BRF1: variants seen among roughly 807,000 people sequenced by gnomAD.
The protein encoded by BRF1 is BRF1 general transcription factor IIIB subunit.
In BRF1, 59 loss-of-function variants were observed where a neutral mutation model predicts 81.7. That is an observed-to-expected ratio of 0.72 (90% CI 0.59 to 0.90). The LOEUF (loss-of-function observed/expected upper bound fraction) is 0.90. BRF1 is among the 40% of genes least tolerant of loss of function. BRF1 has a pLI of 0.00. For missense variants in BRF1, 1,050 were observed against 936.3 expected, an observed-to-expected ratio of 1.12 and a Z score of -1.58; for synonymous variants, 491 against 395.6, an observed-to-expected ratio of 1.24 and a Z score of -2.86.
At chr14:105,280,716 G>A (rs1014154582) in intron 2 of BRF1, among the ~76,000 whole-genome samples, 5 of 152,078 alleles carry the variant, frequency 3.3e-5, no homozygotes, top group Admixed American at 3.3e-4. Context: ...CTGAGTCCGG[G>A]TGTGCGGATA....
In BRF1 at chr14:105,287,643, G is replaced by C. The variant is rs587718196; in HGVS notation, c.185-1267C>G. 1.3e-3 allele frequency among the ~76,000 whole-genome samples: 200 copies of C among 152,308 alleles called. 1 individual carries two copies. The highest frequency in any genetic ancestry group is 4.7e-3 in the African/African-American group (194 of 41,572). ...GCCAGGCCCTCCAGGGAAACCATGA[G>C]GCAGGGACCTCAGCGTCATCCAGGG... On this transcript the variant is annotated intron_variant, in intron 1 of 17. Coordinates refer to ENST00000547530, the MANE Select transcript of BRF1 (RefSeq NM_001519.4).
At chr14:105,268,416 C>T (rs1566851662) in intron 3 of BRF1, among the ~76,000 whole-genome samples, 1 of 152,254 alleles carries the variant, frequency 6.6e-6, no homozygotes, top group Non-Finnish European at 1.5e-5. Flanking sequence ...TGGGACTCAG[C>T]AGCACCCCGT....
chr14:105,224,342 C>G (rs1421044512), intron 10 of BRF1, among the ~76,000 whole-genome samples: 1 of 152,198 alleles, frequency 6.6e-6, no homozygotes, highest in Non-Finnish European at 1.5e-5. Context: ...GCACTCCAGC[C>G]TGGGTGACAG....
intron 5 of BRF1, chr14:105,249,088 G>C (rs1303094987): frequency 2.0e-6 from 3 of 1,465,096 alleles, no homozygotes; most frequent in Non-Finnish European, 2.7e-6. Context: ...CGCGAGAGGT[G>C]AGCCCGTGCC....
intron 2 of BRF1, among the ~76,000 whole-genome samples, chr14:105,282,931 T>G (rs1486054298): frequency 6.6e-6 from 1 of 151,238 alleles, no homozygotes; most frequent in Non-Finnish European, 1.5e-5. Context: ...AGACTCCATC[T>G]CAAAAAACAA....
chr14:105,298,384 TG>T (rs2057826764), intron 1 of BRF1, among the ~76,000 whole-genome samples: 1 of 152,166 alleles, frequency 6.6e-6, no homozygotes, highest in Non-Finnish European at 1.5e-5. Context: ...AAACGGCACC[TG>T]ATCAACAGGG....
At chr14:105,222,786 A>G (rs997742305) in intron 10 of BRF1, among the ~76,000 whole-genome samples, 6 of 151,670 alleles carry the variant, frequency 4.0e-5, no homozygotes, top group Non-Finnish European at 7.4e-5. Context: ...CCGCCACCAC[A>G]CCCGGCTAAT....
intron 1 of BRF1, among the ~76,000 whole-genome samples, chr14:105,307,425 A>G (rs2058222278): frequency 1.3e-5 from 2 of 152,168 alleles, no homozygotes; most frequent in South Asian, 2.1e-4. Flanking sequence ...AATGGCAATA[A>G]AGGCTCTTGC....
At chr14:105,214,476 G>A (rs867854165) in intron 15 of BRF1, among the ~76,000 whole-genome samples, 6 of 146,254 alleles carry the variant, frequency 4.1e-5, no homozygotes, top group Middle Eastern at 3.5e-3. Flanking sequence ...ACACCCCTGC[G>A]TGGCTCAGCT....
chr14:105,216,213 T>A (rs587659238), intron 15 of BRF1, among the ~76,000 whole-genome samples: 5 of 152,222 alleles, frequency 3.3e-5, no homozygotes, highest in African/African-American at 1.2e-4. Flanking sequence ...GGCCAGCTGG[T>A]CAGATGTGAC....
intron 1 of BRF1, among the ~76,000 whole-genome samples, chr14:105,308,022 A>G (rs1019925599): frequency 6.6e-6 from 1 of 151,708 alleles, no homozygotes; most frequent in African/African-American, 2.4e-5. Flanking sequence ...TGTCTCTACA[A>G]AAAATTTAAA....
rs771349522 is a variant in BRF1, at chr14:105,241,392, G to A, written c.567C>T (p.Arg189=). 1.9e-6 allele frequency: 3 copies of A among 1,612,478 alleles called. No homozygotes were observed. Among genetic ancestry groups the A allele is most frequent in the African/African-American group, 2.7e-5 (2 of 74,952 alleles). Residue 189 remains arginine, a synonymous_variant, in exon 6 of 18, where the codon CGC becomes CGT. Coordinates refer to ENST00000547530, the MANE Select transcript of BRF1 (RefSeq NM_001519.4). ...CCCCGAATTCCAGCAGGTGCGCAAAGCGTGGAATATACAGGCACGGGTCTG... is the reference window on the plus strand; with the variant it reads ...CCCCGAATTCCAGCAGGTGCGCAAAACGTGGAATATACAGGCACGGGTCTG... ...PAIDPCLYIP[R]FAHLLEFGEK...
rs912157801 is a variant in BRF1 at position 105,284,146 on chromosome 14, G to T, written c.265+2150C>A. On this transcript the variant is annotated intron_variant, in intron 2 of 17. Coordinates refer to ENST00000547530, the MANE Select transcript of BRF1 (RefSeq NM_001519.4). The surrounding 1 kb of genome is among the most constrained non-coding windows in gnomAD (Gnocchi z 4.0). ...CTTCCTGCAGGAAACGCATTCAAGC[G>T]CCCAACACACATGCACGTCCACAAA... Among the ~76,000 whole-genome samples the T allele has an allele frequency of 6.6e-6, 1 of 152,052 alleles. No individual in the cohort carries two copies. Among genetic ancestry groups the T allele is most frequent in the Non-Finnish European group, 1.5e-5 (1 of 68,012 alleles).
intron 5 of BRF1, chr14:105,248,431 GGCTCGCGCCGGTT>G (rs2055277378): frequency 1.0e-6 from 1 of 985,318 alleles, no homozygotes; most frequent in East Asian, 1.1e-4. Context: ...CACAGCGCGC[GGCTCGCGCCGGTT>G]GCTGGGCAGA....
At chr14:105,229,484 G>A (rs895121140) in intron 6 of BRF1, among the ~76,000 whole-genome samples, 1 of 152,202 alleles carries the variant, frequency 6.6e-6, no homozygotes, top group Non-Finnish European at 1.5e-5. Flanking sequence ...TGAGGAGTGA[G>A]GGCCCTGCCG....
At chr14:105,247,967 C>A in intron 5 of BRF1, 1 of 985,484 alleles carries the variant, frequency 1.0e-6, no homozygotes, top group Non-Finnish European at 1.2e-6. Context: ...ACAGGCAGAG[C>A]CACAGAGGCA....
intron 3 of BRF1, among the ~76,000 whole-genome samples, chr14:105,260,374 A>AT (rs1160851929): frequency 0.036 from 5,326 of 147,016 alleles, 168 homozygotes; most frequent in African/African-American, 0.086. Flanking sequence ...AGGTGTTCGA[A>AT]TTTTTTTTTT....
chr14:105,254,019 C>T (rs936173761), intron 4 of BRF1, among the ~76,000 whole-genome samples: 8 of 152,198 alleles, frequency 5.3e-5, no homozygotes, highest in African/African-American at 1.7e-4. Context: ...GGGTTCCTGC[C>T]AGGCCCCTGC....
intron 2 of BRF1, among the ~76,000 whole-genome samples, chr14:105,277,930 A>AT (rs1342250921): frequency 2.6e-5 from 4 of 151,932 alleles, no homozygotes; most frequent in African/African-American, 9.7e-5. Flanking sequence ...AATTTTTTGT[A>AT]TTTTTAGTAC....
Sources: gnomAD v4.1 joint callset for allele counts (sites outside exome capture counted in the v4.1 genomes callset) on GRCh38, gnomAD v4.1.1 for gene constraint, Gnocchi (gnomAD v3.1) non-coding constraint, MANE v1.5 for transcripts, NCBI Gene and HGNC (gene_info 2026-07-23, HGNC 2026-07-21) for gene names.